Variants in GJC1 observed in about 807,000 individuals in gnomAD.
GJC1 encodes the protein gap junction protein gamma 1, also known as gap junction gamma-1 protein.
Under a neutral mutation model 29.3 loss-of-function variants are expected in GJC1, and 5 were observed. That is an observed-to-expected ratio of 0.17 (90% CI 0.09 to 0.36). The LOEUF is 0.36. GJC1 is among the 10% of genes least tolerant of loss of function. GJC1 has a pLI of 1.00. For missense variants in GJC1, 310 were observed against 496.2 expected, an observed-to-expected ratio of 0.62 and a Z score of 3.56; for synonymous variants, 177 against 183.3, an observed-to-expected ratio of 0.97 and a Z score of 0.28.
At chr17:44,830,319 G>A (rs1438408252), upstream of GJC1, 1 of 153,338 alleles carries the variant, frequency 6.5e-6, no homozygotes. The surrounding 1 kb of genome is among the most constrained non-coding windows in gnomAD (Gnocchi z 4.3). Context: ...GTGGGGGCGG[G>A]GGCGTCCCGC....
intron 1 of GJC1, among the ~76,000 whole-genome samples, chr17:44,817,879 T>C (rs769365640): frequency 4.6e-5 from 7 of 151,994 alleles, no homozygotes; most frequent in Non-Finnish European, 7.4e-5. Flanking sequence ...ACAGGTTCTA[T>C]GTGACCCTAA....
chr17:44,796,300 A>G (rs1004132016), downstream of GJC1, among the ~76,000 whole-genome samples: 1 of 152,092 alleles, frequency 6.6e-6, no homozygotes, highest in Admixed American at 6.5e-5. Context: ...TCCCATATCA[A>G]TGATATTTTG....
intron 1 of GJC1, among the ~76,000 whole-genome samples, chr17:44,824,154 C>T (rs964367378): frequency 1.3e-5 from 2 of 151,518 alleles, no homozygotes; most frequent in East Asian, 1.9e-4. Context: ...ATTACAGGCG[C>T]GCGCCACCAT....
At chr17:44,796,027 C>G (rs937044576), downstream of GJC1, among the ~76,000 whole-genome samples, 1 of 152,234 alleles carries the variant, frequency 6.6e-6, no homozygotes, top group Admixed American at 6.5e-5. Context: ...CTGCCCAGGC[C>G]AAACTCCATG....
intron 1 of GJC1, among the ~76,000 whole-genome samples, chr17:44,825,943 CAG>C (rs1410223153): frequency 2.0e-5 from 3 of 152,064 alleles, no homozygotes; most frequent in Non-Finnish European, 4.4e-5. Context: ...TATTTTGAGA[CAG>C]AGTCTCGCTC....
In GJC1 at chr17:44,798,643, A is replaced by G. The variant is rs1219387535; in HGVS notation, c.*5984T>C. 1 of 152,218 alleles carries G rather than the reference A, an allele frequency of 6.6e-6. No individual in the cohort carries two copies. Among genetic ancestry groups the G allele is most frequent in the Non-Finnish European group, 1.5e-5 (1 of 68,026 alleles). The allele number at this position is 152,218 out of a possible 1,614,324, so 9.4% of individuals were successfully genotyped here. On this transcript the variant is annotated 3_prime_UTR_variant, in exon 3 of 3. Coordinates refer to ENST00000592524, the MANE Select transcript of GJC1 (RefSeq NM_005497.4). ...TCCAAACTGCACACCACATGACATT[A>G]GATTGCTGGTTAACCATTTAATTTT... is the stretch of plus-strand genomic sequence containing the variant.
chr17:44,820,172 G>A lies in GJC1; in HGVS notation c.-97+9890C>T, dbSNP rs150219884. Among the ~76,000 whole-genome samples the A allele has an allele frequency of 2.4e-3, 369 of 152,208 alleles. 2 individuals carry two copies. The highest frequency in any genetic ancestry group is 8.2e-3 in the African/African-American group (340 of 41,534). Reference sequence around the variant, plus strand: ...AAACAGGGTTTCACTTTGTTGGCCAGGCTGGTCTCAAACTCCTGACCTCAG... The same window carrying A: ...AAACAGGGTTTCACTTTGTTGGCCAAGCTGGTCTCAAACTCCTGACCTCAG... On this transcript the variant is annotated intron_variant, in intron 1 of 2. Transcript: ENST00000592524.
chr17:44,804,313 G>T lies in GJC1; in HGVS notation c.*314C>A. ...AAGTTCTCATACTAAAAAAAAAAAA[G>T]TACCATAATACTGTACATACAAAAA... On this transcript the variant is annotated 3_prime_UTR_variant, in exon 3 of 3. Transcript: ENST00000592524. The T allele has an allele frequency of 1.4e-5, 3 of 217,932 alleles. No individual in the cohort carries two copies. The highest frequency in any genetic ancestry group is 1.6e-4 in the South Asian group (1 of 6,108). 13.5% of individuals were successfully genotyped at this position (217,932 alleles called of 1,614,324 possible). A position where few individuals can be genotyped will look rare whatever the true frequency, so the allele number is the denominator to read the frequency against.
At chr17:44,830,977 T>C (rs2050226234), upstream of GJC1, among the ~76,000 whole-genome samples, 1 of 152,156 alleles carries the variant, frequency 6.6e-6, no homozygotes, top group South Asian at 2.1e-4. This position sits in a 1 kb window ranked among gnomAD's most constrained non-coding sequence, Gnocchi z 4.3. Context: ...AAACCGAAAA[T>C]TCTCCAAATG....
At chr17:44,830,796 C>G (rs2050224986), upstream of GJC1, 1 of 398,034 alleles carries the variant, frequency 2.5e-6, no homozygotes, top group African/African-American at 2.1e-5. The surrounding 1 kb of genome is among the most constrained non-coding windows in gnomAD (Gnocchi z 4.3). Flanking sequence ...TAGCTAGAGT[C>G]GGGGCTCTTA....
chr17:44,819,001 A>AC (rs1555559463), intron 1 of GJC1, among the ~76,000 whole-genome samples: 50 of 146,614 alleles, frequency 3.4e-4, no homozygotes, highest in South Asian at 1.8e-3. Flanking sequence ...AAGCACTAAA[A>AC]ACCCCCCTCA....
intron 1 of GJC1, among the ~76,000 whole-genome samples, chr17:44,812,214 C>T (rs1388133762): frequency 6.7e-6 from 1 of 150,122 alleles, no homozygotes; most frequent in African/African-American, 2.5e-5. Flanking sequence ...CTCAGGACTA[C>T]AAGCTGAGGC....
At chr17:44,814,545 A>C (rs1041745608) in intron 1 of GJC1, among the ~76,000 whole-genome samples, 4 of 152,094 alleles carry the variant, frequency 2.6e-5, no homozygotes, top group South Asian at 2.1e-4. Context: ...TCACTCACAC[A>C]CAAAAAACCC....
rs987799249 is a variant in GJC1, at chr17:44,799,576, G to C, written c.*5051C>G. The C allele has an allele frequency of 6.6e-6, 1 of 151,264 alleles. No individual in the cohort carries two copies. Among genetic ancestry groups the C allele is most frequent in the Non-Finnish European group, 1.5e-5 (1 of 67,872 alleles). The allele number at this position is 151,264 out of a possible 1,614,324, so 9.4% of individuals were successfully genotyped here. ...TTCTTTTAAAAAAAAAAAAAAGTAC[G>C]ATTATTAACACTGATTAATAACACA... On this transcript the variant is annotated 3_prime_UTR_variant, in exon 3 of 3. Coordinates refer to ENST00000592524, the MANE Select transcript of GJC1 (RefSeq NM_005497.4).
Position 44,806,992 on chromosome 17 carries a change from C to T in GJC1, c.-21+402G>A, listed in dbSNP as rs74991009. On this transcript the variant is annotated intron_variant, in intron 2 of 2. Coordinates refer to ENST00000592524, the MANE Select transcript of GJC1 (RefSeq NM_005497.4). ...AAGATCTTCCCTAGCTAGGCTGCAT[C>T]GCATACCAGATTTTGGTTTTACTTA... Among the ~76,000 whole-genome samples, 1,166 of 152,222 alleles carry T rather than the reference C, an allele frequency of 7.7e-3. 16 individuals are homozygous for T. Among genetic ancestry groups the T allele is most frequent in the African/African-American group, 0.027 (1,102 of 41,524 alleles).
chr17:44,809,038 C>T (rs1029958305), intron 1 of GJC1, among the ~76,000 whole-genome samples: 4 of 152,136 alleles, frequency 2.6e-5, no homozygotes, highest in African/African-American at 7.2e-5. Context: ...TGAGATTGTG[C>T]CATTGCACTC....
chr17:44,817,485 C>T (rs755713381), intron 1 of GJC1, among the ~76,000 whole-genome samples: 39 of 151,416 alleles, frequency 2.6e-4, no homozygotes, highest in Non-Finnish European at 4.4e-4. Context: ...CTGAGGCGGG[C>T]GGATCACCTG....
intron 1 of GJC1, among the ~76,000 whole-genome samples, chr17:44,811,978 G>A (rs2049988058): frequency 6.6e-6 from 1 of 150,940 alleles, no homozygotes; most frequent in Admixed American, 6.6e-5. Flanking sequence ...ACTCCGGCCT[G>A]GGCAAGAACA....
At chr17:44,808,665 G>A (rs2049940377) in intron 1 of GJC1, among the ~76,000 whole-genome samples, 1 of 152,190 alleles carries the variant, frequency 6.6e-6, no homozygotes, top group South Asian at 2.1e-4. Context: ...GGGAGGCTCA[G>A]GTGAAAGAAT....
Sources: allele counts gnomAD v4.1 joint callset (sites outside exome capture counted in the v4.1 genomes callset), GRCh38; gene constraint gnomAD v4.1.1; non-coding constraint Gnocchi (gnomAD v3.1); transcripts MANE v1.5; gene names NCBI Gene and HGNC (gene_info 2026-07-23, HGNC 2026-07-21).